PAPSS1: variants seen among roughly 807,000 people sequenced by gnomAD.
PAPSS1 encodes bifunctional 3'-phosphoadenosine 5'-phosphosulfate synthase 1.
PAPSS1 carries 50 observed loss-of-function variants against 72.0 expected under a neutral mutation model. That is an observed-to-expected ratio of 0.69 (90% CI 0.55 to 0.88). PAPSS1 has a LOEUF of 0.88. Among genes scored for constraint, PAPSS1 ranks in the 40% least tolerant of loss-of-function variants. The pLI, the probability that PAPSS1 is intolerant of heterozygous loss-of-function variation, is 0.00. For missense variants in PAPSS1, 657 were observed against 782.2 expected (o/e 0.84, Z 1.91); for synonymous variants, 261 against 263.6 (o/e 0.99, Z 0.09).
intron 1 of PAPSS1, chr4:107,719,858 G>T: frequency 7.4e-7 from 1 of 1,342,722 alleles, no homozygotes; most frequent in Admixed American, 4.0e-5. Flanking sequence ...CGGAGGCGCT[G>T]GGGAGGGGGG....
At chr4:107,693,719 C>T in intron 3 of PAPSS1, 52 bp downstream of exon 3, 1 of 1,286,106 alleles carries the variant, frequency 7.8e-7, no homozygotes, top group Non-Finnish European at 1.1e-6. Flanking sequence ...TTGCCTGATA[C>T]CATATTCTCA....
At chr4:107,665,798 G>A (rs1337099469) in intron 5 of PAPSS1, among the ~76,000 whole-genome samples, 3 of 152,120 alleles carry the variant, frequency 2.0e-5, no homozygotes, top group Non-Finnish European at 4.4e-5. Flanking sequence ...AACATATGTT[G>A]TATCCAAAAA....
chr4:107,631,830 C>CA lies in PAPSS1; in HGVS notation c.1536dup (p.Ala513CysfsTer26). 1.2e-6 allele frequency: 2 copies of CA among 1,613,942 alleles called. No homozygotes were observed. Among genetic ancestry groups the CA allele is most frequent in the Non-Finnish European group, 1.7e-6 (2 of 1,179,880 alleles). ...CCAACAATGTAAAAGTTGGCTCCTG[C>CA]AACCATCCGTGCTCTGCAATGCCAC... is the stretch of plus-strand genomic sequence containing the variant. On this transcript the variant is annotated frameshift_variant, in exon 11 of 12. Transcript: ENST00000265174. LOFTEE classifies it high-confidence loss of function.
intron 9 of PAPSS1, among the ~76,000 whole-genome samples, chr4:107,645,548 A>G (rs545338959): frequency 6.6e-6 from 1 of 152,350 alleles, no homozygotes; most frequent in African/African-American, 2.4e-5. Context: ...TACTGTCCAA[A>G]TATGCTCACT....
intron 3 of PAPSS1, among the ~76,000 whole-genome samples, chr4:107,692,543 T>C (rs867251862): frequency 6.6e-6 from 1 of 152,184 alleles, no homozygotes; most frequent in Non-Finnish European, 1.5e-5. Flanking sequence ...GGTGAGAATG[T>C]AAGTTAGTTC....
At chr4:107,687,973 T>G in intron 3 of PAPSS1, among the ~76,000 whole-genome samples, 1 of 131,434 alleles carries the variant, frequency 7.6e-6, no homozygotes, top group South Asian at 2.4e-4. Flanking sequence ...TACTTCATGT[T>G]TCAAAAAAAA....
rs762616758 is a variant in PAPSS1, at chr4:107,657,040, A to G, written c.784-33T>C. 1.9e-5 allele frequency: 26 copies of G among 1,372,982 alleles called. No homozygotes were observed. In the Admixed American group the frequency reaches 4.0e-4, roughly 21 times the overall value. The allele number at this position is 1,372,982 out of a possible 1,614,324, so 85.0% of individuals were successfully genotyped here. On this transcript the variant is annotated intron_variant, in intron 6 of 11. Coordinates refer to ENST00000265174, the MANE Select transcript of PAPSS1 (RefSeq NM_005443.5). ...ATTTGAAAGTAAAGCAAAATTTTCTATTGCATGTATATATGAGCAAAAGCA... is the reference window on the plus strand; with the variant it reads ...ATTTGAAAGTAAAGCAAAATTTTCTGTTGCATGTATATATGAGCAAAAGCA...
intron 11 of PAPSS1, among the ~76,000 whole-genome samples, chr4:107,620,768 G>A (rs996198019): frequency 2.6e-5 from 4 of 152,104 alleles, no homozygotes; most frequent in African/African-American, 9.7e-5. Context: ...CTGCTAATGG[G>A]TATATTAAGA....
Position 107,679,371 on chromosome 4 carries a change from C to T in PAPSS1, c.669+2644G>A, listed in dbSNP as rs545818241. 6.6e-5 allele frequency among the ~76,000 whole-genome samples: 10 copies of T among 152,160 alleles called. No homozygotes were observed. In the East Asian group the frequency reaches 1.9e-3, roughly 29 times the overall value. On this transcript the variant is annotated intron_variant, in intron 5 of 11. Transcript: ENST00000265174. ...CACACTAAGTACAAGGTAAAAGAGCCCACCACTACAGAAATTTGAAGCCTC... is the reference window on the plus strand; with the variant it reads ...CACACTAAGTACAAGGTAAAAGAGCTCACCACTACAGAAATTTGAAGCCTC...
chr4:107,642,906 A>G (rs1369328230), intron 10 of PAPSS1, among the ~76,000 whole-genome samples: 1 of 152,192 alleles, frequency 6.6e-6, no homozygotes, highest in African/African-American at 2.4e-5. Flanking sequence ...CAACAAATAC[A>G]TATCCAAGGA....
In PAPSS1 at chr4:107,643,888, G is replaced by A. The variant is rs1452335522; in HGVS notation, c.1506+914C>T. Among the ~76,000 whole-genome samples, 4 of 152,134 alleles carry A rather than the reference G, an allele frequency of 2.6e-5. No individual in the cohort carries two copies. The East Asian group carries it at 7.7e-4, about 29-fold the overall frequency. ...TCATATATATATTATATTTCAATGT[G>A]AAGTTAAAAGAAAATAAGACAAATT... On this transcript the variant is annotated intron_variant, in intron 10 of 11. Coordinates refer to ENST00000265174, the MANE Select transcript of PAPSS1 (RefSeq NM_005443.5).
chr4:107,662,178 G>A (rs1274020297), intron 5 of PAPSS1, among the ~76,000 whole-genome samples: 1 of 152,220 alleles, frequency 6.6e-6, no homozygotes, highest in Non-Finnish European at 1.5e-5. Flanking sequence ...AGCCAGCTGC[G>A]CTGCTCTTGG....
intron 5 of PAPSS1, among the ~76,000 whole-genome samples, chr4:107,668,657 C>T (rs1294057303): frequency 6.6e-6 from 1 of 152,070 alleles, no homozygotes; most frequent in Non-Finnish European, 1.5e-5. Context: ...TTCCTGCCCT[C>T]GAACATCAGA....
chr4:107,682,235 G>A, intron 4 of PAPSS1, 102 bp from the exon 5 acceptor site: 2 of 558,532 alleles, frequency 3.6e-6, no homozygotes, highest in Non-Finnish European at 6.3e-6. Flanking sequence ...TATCTGCGCT[G>A]TCCCCCAAGC....
rs747428349 is a variant in PAPSS1 at position 107,614,342 on chromosome 4, A to G, written c.1782T>C (p.Leu594=). 1 of 1,614,016 alleles carries G rather than the reference A, an allele frequency of 6.2e-7. No homozygotes were observed. Residue 594 remains leucine (L), a synonymous_variant, in exon 12 of 12, where the codon CTT becomes CTC. Transcript: ENST00000265174. ...CAGGTGGTTTCTGGCCTTCTCGAGC[A>G]AGTTTGCGCATTCGTGTTCCTGAAA... is the stretch of plus-strand genomic sequence containing the variant. ...EFISGTRMRK[L]AREGQKPPEG...
intron 4 of PAPSS1, among the ~76,000 whole-genome samples, chr4:107,684,996 C>G (rs943570398): frequency 6.6e-6 from 1 of 152,116 alleles, no homozygotes; most frequent in Non-Finnish European, 1.5e-5. Flanking sequence ...AGCTCTGCCT[C>G]CTGTGTTCAC....
intron 11 of PAPSS1, among the ~76,000 whole-genome samples, chr4:107,617,854 T>C (rs1159901394): frequency 2.0e-5 from 3 of 152,148 alleles, no homozygotes; most frequent in African/African-American, 7.2e-5. Flanking sequence ...AAGTCGACCA[T>C]GATATACGGG....
At chr4:107,692,993 T>C (rs561862136) in intron 3 of PAPSS1, among the ~76,000 whole-genome samples, 2 of 151,974 alleles carry the variant, frequency 1.3e-5, no homozygotes, top group South Asian at 4.2e-4. Context: ...CTGATGACTG[T>C]TGTGGTTGGG....
At chr4:107,674,506 A>T (rs1727582924) in intron 5 of PAPSS1, among the ~76,000 whole-genome samples, 1 of 152,250 alleles carries the variant, frequency 6.6e-6, no homozygotes, top group South Asian at 2.1e-4. Context: ...ATATTCAACC[A>T]ATACAGGAGC....
Sources: gnomAD v4.1 joint callset for allele counts (sites outside exome capture counted in the v4.1 genomes callset) on GRCh38, gnomAD v4.1.1 for gene constraint, MANE v1.5 for transcripts, NCBI Gene and HGNC (gene_info 2026-07-23, HGNC 2026-07-21) for gene names.